DOCK4: variants seen among roughly 807,000 people sequenced by gnomAD.
DOCK4 encodes the protein dedicator of cytokinesis 4.
In DOCK4, 97 loss-of-function variants were observed where a neutral mutation model predicts 268.1. The observed-to-expected ratio is 0.36, with a 90% CI of 0.31 to 0.43. The LOEUF is 0.43. Ranked by LOEUF, DOCK4 falls within the 20% of genes least tolerant of loss-of-function variation. DOCK4 has a pLI of 1.00. For synonymous variants in DOCK4, 954 were observed against 887.2 expected (o/e 1.08, Z -1.34); for missense variants, 2,145 against 2,455.7 (o/e 0.87, Z 2.67).
chr7:111,944,780 C>T, intron 10 of DOCK4, 31 bp downstream of exon 10: 1 of 1,596,570 alleles, frequency 6.3e-7, no homozygotes, highest in Non-Finnish European at 8.6e-7. Context: ...CTGTTCCTTG[C>T]CCCTACTGCA....
intron 1 of DOCK4, among the ~76,000 whole-genome samples, chr7:112,161,000 G>A (rs1246837210): frequency 6.6e-6 from 1 of 152,144 alleles, no homozygotes; most frequent in South Asian, 2.1e-4. Flanking sequence ...TTTGCAGGGG[G>A]ACAGAAAGAC....
chr7:111,798,875 C>A (rs188879959), intron 30 of DOCK4, among the ~76,000 whole-genome samples: 87 of 152,340 alleles, frequency 5.7e-4, no homozygotes, highest in Non-Finnish European at 1.1e-3. Flanking sequence ...GAAAGATATT[C>A]TCTTACCACT....
At chr7:111,888,348 T>TA (rs1311599433) in intron 16 of DOCK4, among the ~76,000 whole-genome samples, 1 of 151,462 alleles carries the variant, frequency 6.6e-6, no homozygotes, top group Non-Finnish European at 1.5e-5. Context: ...GATTAAGAGA[T>TA]ACCTTAGATA....
intron 16 of DOCK4, among the ~76,000 whole-genome samples, chr7:111,879,248 G>A (rs1213176112): frequency 6.6e-6 from 1 of 151,968 alleles, no homozygotes; most frequent in Non-Finnish European, 1.5e-5. Flanking sequence ...TTCCTTGAAG[G>A]GAAGGACTCA....
intron 7 of DOCK4, 116 bp downstream of exon 7, chr7:111,984,188 ACT>A (rs1798859826): frequency 3.4e-6 from 3 of 892,230 alleles, no homozygotes; most frequent in Non-Finnish European, 5.0e-6. Flanking sequence ...AAGTCTTTTT[ACT>A]CTCTCTAAAT....
chr7:112,066,191 G>A (rs1806912507), intron 1 of DOCK4, among the ~76,000 whole-genome samples: 1 of 152,118 alleles, frequency 6.6e-6, no homozygotes, highest in Non-Finnish European at 1.5e-5. Flanking sequence ...CACTGTGGGT[G>A]GGCACTATCC....
chr7:111,900,579 A>G (rs1321983988), intron 14 of DOCK4, 43 bp from the exon 15 acceptor site: 1 of 1,574,512 alleles, frequency 6.4e-7, no homozygotes, highest in African/African-American at 1.4e-5. Context: ...AGCTTCATCT[A>G]AAGATCTTTT....
intron 1 of DOCK4, among the ~76,000 whole-genome samples, chr7:112,027,611 A>G (rs1229058045): frequency 2.6e-5 from 4 of 152,200 alleles, no homozygotes; most frequent in African/African-American, 9.6e-5. Flanking sequence ...ATATCAGCTC[A>G]TTTGGCTTTT....
chr7:112,018,179 A>AAAAAAAAAACACACAC lies in DOCK4; in HGVS notation c.38-14049_38-14048insGTGTGTGTTTTTTTTT. ...AAAAAAAAAAAAAAAAAAAAAAAAA[A>AAAAAAAAAACACACAC]ACACAGGCAACCAGTATTCATGTGG... On this transcript the variant is annotated intron_variant, in intron 1 of 52. Transcript: ENST00000428084. Among the ~76,000 whole-genome samples, 2 of 72,590 alleles carry AAAAAAAAAACACACAC rather than the reference A, an allele frequency of 2.8e-5. 1 individual carries two copies. The highest frequency in any genetic ancestry group is 1.1e-4 in the African/African-American group (2 of 18,470). 47.6% of individuals were successfully genotyped at this position (72,590 alleles called of 152,430 possible).
At chr7:111,798,019 A>G (rs973115720) in intron 30 of DOCK4, among the ~76,000 whole-genome samples, 2 of 152,230 alleles carry the variant, frequency 1.3e-5, no homozygotes, top group African/African-American at 4.8e-5. Context: ...AAGGAAAAAG[A>G]AAAATCTCAG....
intron 8 of DOCK4, among the ~76,000 whole-genome samples, chr7:111,974,233 A>C (rs1325701724): frequency 1.3e-5 from 2 of 152,028 alleles, no homozygotes; most frequent in East Asian, 3.9e-4. Context: ...CAAGGTTTTG[A>C]ACACTTCCTA....
intron 1 of DOCK4, among the ~76,000 whole-genome samples, chr7:112,148,985 C>G (rs563744367): frequency 1.6e-4 from 25 of 152,344 alleles, no homozygotes; most frequent in African/African-American, 5.8e-4. Context: ...TCTCTGGCCA[C>G]TGAGCACGCT....
At chr7:111,788,610 T>C in intron 32 of DOCK4, 52 bp downstream of exon 32, 10 of 1,470,778 alleles carry the variant, frequency 6.8e-6, no homozygotes, top group African/African-American at 1.4e-5. Flanking sequence ...GGCTCAGTAC[T>C]GACACCAAAT....
chr7:111,826,964 A>T (rs1802447125), intron 26 of DOCK4, among the ~76,000 whole-genome samples: 1 of 152,226 alleles, frequency 6.6e-6, no homozygotes, highest in Non-Finnish European at 1.5e-5. Context: ...CAAGACACAG[A>T]GAAATGAATC....
At chr7:111,782,980 A>G in intron 34 of DOCK4, 56 bp from the exon 35 acceptor site, 2 of 1,319,078 alleles carry the variant, frequency 1.5e-6, no homozygotes, top group South Asian at 1.3e-5. Flanking sequence ...GGGCAAACAC[A>G]GTTTGTTCTT....
intron 3 of DOCK4, 45 bp from the exon 4 acceptor site, chr7:111,998,548 G>C: frequency 6.6e-7 from 1 of 1,507,146 alleles, no homozygotes; most frequent in Non-Finnish European, 9.0e-7. Flanking sequence ...TGTTAAGGCA[G>C]GGTTGGTTTC....
intron 8 of DOCK4, among the ~76,000 whole-genome samples, chr7:111,976,269 TTATATATATATATATATATA>T (rs60146972): frequency 0.11 from 3,581 of 33,058 alleles, 248 homozygotes; most frequent in East Asian, 0.32. Flanking sequence ...TGTGTGTCTA[TTATATATATATATATATATA>T]TATATATATA....
intron 1 of DOCK4, among the ~76,000 whole-genome samples, chr7:112,057,953 G>T (rs770562279): frequency 6.7e-6 from 1 of 149,058 alleles, no homozygotes; most frequent in East Asian, 2.0e-4. Flanking sequence ...TTTATTTTAC[G>T]CTTAATAAGA....
At chr7:111,779,078 A>T (rs1050852916) in intron 35 of DOCK4, among the ~76,000 whole-genome samples, 2 of 143,602 alleles carry the variant, frequency 1.4e-5, no homozygotes, top group East Asian at 1.9e-4. Flanking sequence ...AAAATCTCTA[A>T]AAAAAAAAAA....
Sources: gnomAD v4.1 joint callset for allele counts (sites outside exome capture counted in the v4.1 genomes callset) on GRCh38, gnomAD v4.1.1 for gene constraint, MANE v1.5 for transcripts, NCBI Gene and HGNC (gene_info 2026-07-23, HGNC 2026-07-21) for gene names.